Variants in GTF2IRD1 observed in about 807,000 individuals in gnomAD.
GTF2IRD1 encodes the protein GTF2I repeat domain containing 1.
Under a neutral mutation model 113.2 loss-of-function variants are expected in GTF2IRD1, and 26 were observed. The ratio of observed to expected loss-of-function variants is 0.23; its 90% CI spans 0.17 to 0.32. The LOEUF (loss-of-function observed/expected upper bound fraction) is 0.32. Among genes scored for constraint, GTF2IRD1 ranks in the 10% least tolerant of loss-of-function variants. The pLI is 1.00. For synonymous variants in GTF2IRD1, 484 were observed against 529.1 expected (o/e 0.91, Z 1.17); for missense variants, 864 against 1,280.8 (o/e 0.67, Z 4.97).
chr7:74,566,006 A>AC (rs1800285278), intron 22 of GTF2IRD1, among the ~76,000 whole-genome samples: 77 of 143,214 alleles, frequency 5.4e-4, no homozygotes, highest in African/African-American at 1.8e-3. Flanking sequence ...AAGACACACA[A>AC]ACACACACAC....
intron 6 of GTF2IRD1, among the ~76,000 whole-genome samples, chr7:74,520,894 GA>G (rs1215376704): frequency 3.5e-5 from 5 of 141,420 alleles, no homozygotes; most frequent in Middle Eastern, 3.7e-3. Context: ...TTATAAGGGG[GA>G]AAAAAGCCCA....
intron 1 of GTF2IRD1, among the ~76,000 whole-genome samples, chr7:74,496,486 T>TGC (rs1795716290): frequency 1.1e-5 from 1 of 92,512 alleles, no homozygotes; most frequent in African/African-American, 4.1e-5. Flanking sequence ...TGTGCACGTA[T>TGC]GTGTGTGTGT....
chr7:74,521,750 A>G (rs1333852070), intron 7 of GTF2IRD1, among the ~76,000 whole-genome samples: 2 of 152,044 alleles, frequency 1.3e-5, no homozygotes, highest in Non-Finnish European at 2.9e-5. Flanking sequence ...CAACAGTTAG[A>G]CCCTATCTCT....
chr7:74,518,983 G>A (rs1476015481), intron 5 of GTF2IRD1, among the ~76,000 whole-genome samples: 1 of 152,208 alleles, frequency 6.6e-6, no homozygotes, highest in Admixed American at 6.5e-5. Flanking sequence ...AGGGATCCAG[G>A]GGAGATTAGG....
chr7:74,505,867 T>C (rs987807333), intron 1 of GTF2IRD1: 3 of 152,234 alleles, frequency 2.0e-5, no homozygotes, highest in African/African-American at 7.2e-5. Context: ...ACCTCGTGGT[T>C]CATCAGCGGG....
In GTF2IRD1 at chr7:74,513,005, G is replaced by T. The variant is rs77717166; in HGVS notation, c.265+34G>T. On this transcript the variant is annotated intron_variant, in intron 3 of 26. Transcript: ENST00000424337. ...CCCAGGGCTCCGGAGGGCCGGGCCCGCCATTTCCCGAGGGCAGGCGCTCTA... is the reference window on the plus strand; with the variant it reads ...CCCAGGGCTCCGGAGGGCCGGGCCCTCCATTTCCCGAGGGCAGGCGCTCTA... 1.8e-5 allele frequency: 29 copies of T among 1,604,540 alleles called. No homozygotes were observed. The African/African-American group carries it at 3.6e-4, about 20-fold the overall frequency.
chr7:74,538,108 A>C (rs587682146), intron 11 of GTF2IRD1, 28 bp from the exon 12 acceptor site: 1 of 1,610,614 alleles, frequency 6.2e-7, no homozygotes, highest in African/African-American at 1.3e-5. Context: ...CTTGGCTGAC[A>C]GGTGTCATTT....
At chr7:74,579,627 A>C (rs1351865798) in intron 22 of GTF2IRD1, among the ~76,000 whole-genome samples, 1 of 151,940 alleles carries the variant, frequency 6.6e-6, no homozygotes, top group Non-Finnish European at 1.5e-5. Context: ...TAAGAAAAAA[A>C]AAAAAAAAAC....
chr7:74,458,491 T>C (rs1793144028), intron 1 of GTF2IRD1, among the ~76,000 whole-genome samples: 1 of 151,910 alleles, frequency 6.6e-6, no homozygotes, highest in African/African-American at 2.4e-5. Flanking sequence ...GGCTCCATAC[T>C]CCGGAAGGGA....
intron 15 of GTF2IRD1, 110 bp from the exon 16 acceptor site, chr7:74,545,634 C>G: frequency 4.5e-6 from 3 of 661,878 alleles, no homozygotes; most frequent in South Asian, 4.3e-5. Context: ...CCCCAGCCTT[C>G]CCCCATTCCA....
chr7:74,586,815 G>A (rs1196510484), intron 22 of GTF2IRD1, among the ~76,000 whole-genome samples: 4 of 152,188 alleles, frequency 2.6e-5, no homozygotes, highest in Non-Finnish European at 5.9e-5. Context: ...TCCCAAGGCA[G>A]CCTCCTAAAC....
intron 1 of GTF2IRD1, among the ~76,000 whole-genome samples, chr7:74,461,490 C>A (rs1481253713): frequency 6.6e-6 from 1 of 152,126 alleles, no homozygotes; most frequent in Non-Finnish European, 1.5e-5. Context: ...CCAGTGAGGA[C>A]CTTGCAGAGG....
intron 1 of GTF2IRD1, among the ~76,000 whole-genome samples, chr7:74,484,842 G>A (rs375660600): frequency 1.3e-5 from 2 of 152,238 alleles, no homozygotes; most frequent in South Asian, 2.1e-4. Context: ...ACGCTGGGAC[G>A]GTTTCTGCCT....
rs1554373968 is a variant in GTF2IRD1 at position 74,601,197 on chromosome 7, T to C, written c.2766+17T>C. On this transcript the variant is annotated intron_variant, in intron 26 of 26. Transcript: ENST00000424337. Reference sequence around the variant, plus strand: ...TCACTCGTGGTAAAGTTGCACCGATTTGGACTCCGGCACTCATCTCTGTGG... The same window carrying C: ...TCACTCGTGGTAAAGTTGCACCGATCTGGACTCCGGCACTCATCTCTGTGG... The C allele has an allele frequency of 6.4e-7, 1 of 1,563,094 alleles. No individual in the cohort carries two copies. The highest frequency in any genetic ancestry group is 1.9e-5 in the Admixed American group (1 of 51,946).
At chr7:74,584,335 C>T (rs1801598081) in intron 22 of GTF2IRD1, among the ~76,000 whole-genome samples, 1 of 152,030 alleles carries the variant, frequency 6.6e-6, no homozygotes, top group Non-Finnish European at 1.5e-5. Context: ...ATCCCAGCTA[C>T]TCTGGAGGCT....
At chr7:74,516,858 G>A (rs1215129489) in intron 4 of GTF2IRD1, among the ~76,000 whole-genome samples, 1 of 152,166 alleles carries the variant, frequency 6.6e-6, no homozygotes, top group Non-Finnish European at 1.5e-5. Context: ...CTGGCTCAGG[G>A]TGGGGGCTGT....
At chr7:74,534,632 T>C (rs1396390616) in intron 9 of GTF2IRD1, among the ~76,000 whole-genome samples, 1 of 151,846 alleles carries the variant, frequency 6.6e-6, no homozygotes, top group African/African-American at 2.4e-5. Context: ...TGACTCCTGT[T>C]TTCACGCTGA....
In GTF2IRD1 at chr7:74,515,488, C is replaced by T. The variant is rs1554344449; in HGVS notation, c.313C>T (p.Gln105Ter). 6.2e-7 allele frequency: 1 copy of T among 1,610,670 alleles called. No homozygotes were observed. Among genetic ancestry groups the T allele is most frequent in the Admixed American group, 1.7e-5 (1 of 59,658 alleles). The change falls in exon 4 of 27, where the codon CAG (glutamine) becomes TAG (stop). Residue 105 changes from glutamine to a stop codon, truncating the protein, a stop_gained. Coordinates refer to ENST00000424337, the MANE Select transcript of GTF2IRD1 (RefSeq NM_005685.4). LOFTEE classifies it high-confidence loss of function. Reference sequence around the variant, plus strand: ...GGAGGCAGAGCACCCCAAGAAGGTGCAGCGGGGCGAGGGTGGAGGCCGTAG... The same window carrying T: ...GGAGGCAGAGCACCCCAAGAAGGTGTAGCGGGGCGAGGGTGGAGGCCGTAG... ...DPEAEHPKKV[Q>*]RGEGGGRSLP... is the part of the protein sequence containing the mutation.
intron 20 of GTF2IRD1, among the ~76,000 whole-genome samples, chr7:74,558,079 G>C (rs1356786312): frequency 6.6e-6 from 1 of 151,956 alleles, no homozygotes; most frequent in Admixed American, 6.6e-5. Context: ...TTCGAGGCCA[G>C]CCTGGGCAAC....
Sources: gnomAD v4.1 joint callset for allele counts (sites outside exome capture counted in the v4.1 genomes callset) on GRCh38, gnomAD v4.1.1 for gene constraint, MANE v1.5 for transcripts, NCBI Gene and HGNC (gene_info 2026-07-23, HGNC 2026-07-21) for gene names.